NBEA: variants seen among roughly 807,000 people sequenced by gnomAD.
NBEA encodes neurobeachin, also known as lysosomal-trafficking regulator 2.
Under a neutral mutation model 343.4 loss-of-function variants are expected in NBEA, and 44 were observed. That is an observed-to-expected ratio of 0.13 (90% confidence interval 0.10 to 0.16). The LOEUF (loss-of-function observed/expected upper bound fraction) is 0.16. Among genes scored for constraint, NBEA ranks in the 10% least tolerant of loss-of-function variants. The pLI is 1.00. For synonymous variants in NBEA, 1,175 were observed against 1,238.7 expected, an observed-to-expected ratio of 0.95 and a Z score of 1.08; for missense variants, 2,555 against 3,631.3, an observed-to-expected ratio of 0.70 and a Z score of 7.62.
At chr13:35,497,502 C>G (rs2076726050) in intron 41 of NBEA, among the ~76,000 whole-genome samples, 1 of 152,002 alleles carries the variant, frequency 6.6e-6, no homozygotes, top group Non-Finnish European at 1.5e-5. Context: ...AGTAAACTAC[C>G]TGATATCTAT....
chr13:35,444,046 C>A (rs896364559), intron 39 of NBEA, among the ~76,000 whole-genome samples: 3 of 151,904 alleles, frequency 2.0e-5, no homozygotes, highest in African/African-American at 7.2e-5. Context: ...ATGATTGTTA[C>A]AGTAGACTGT....
chr13:35,632,219 T>C (rs1163245865), intron 49 of NBEA, among the ~76,000 whole-genome samples: 2 of 152,210 alleles, frequency 1.3e-5, no homozygotes, highest in Non-Finnish European at 2.9e-5. Flanking sequence ...ACTTACTAAA[T>C]GATGACCAAG....
chr13:35,401,781 A>T (rs2043013026), intron 38 of NBEA, among the ~76,000 whole-genome samples: 1 of 151,676 alleles, frequency 6.6e-6, no homozygotes, highest in Non-Finnish European at 1.5e-5. Context: ...TATATTTAGA[A>T]TTAGAAAAAA....
intron 1 of NBEA, among the ~76,000 whole-genome samples, chr13:35,032,115 A>T (rs1013012228): frequency 2.0e-5 from 3 of 151,622 alleles, no homozygotes; most frequent in African/African-American, 7.2e-5. Context: ...GAACATTTAC[A>T]TGCATGTGTT....
At chr13:35,525,280 G>A (rs1016625767) in intron 41 of NBEA, among the ~76,000 whole-genome samples, 7 of 152,106 alleles carry the variant, frequency 4.6e-5, no homozygotes, top group Non-Finnish European at 8.8e-5. Context: ...GGCCAGGTGC[G>A]GTGGCTCACG....
chr13:34,966,598 A>G (rs902888601), intron 1 of NBEA, among the ~76,000 whole-genome samples: 2 of 144,288 alleles, frequency 1.4e-5, no homozygotes, highest in African/African-American at 5.1e-5. Context: ...ACCTTCAACT[A>G]TGTTACATAT....
At chr13:35,310,839 G>A (rs1458640854) in intron 36 of NBEA, among the ~76,000 whole-genome samples, 1 of 152,032 alleles carries the variant, frequency 6.6e-6, no homozygotes, top group African/African-American at 2.4e-5. Context: ...TTTCAAGTAG[G>A]GGAGTCATGA....
At chr13:35,216,254 G>A (rs1039542107) in intron 33 of NBEA, among the ~76,000 whole-genome samples, 1 of 151,474 alleles carries the variant, frequency 6.6e-6, no homozygotes, top group Non-Finnish European at 1.5e-5. Flanking sequence ...TCTTAGAGTG[G>A]AAACTGAGAT....
rs368659677 is a variant in NBEA, at chr13:35,649,674, C to T, written c.7790C>T (p.Pro2597Leu). The change falls in exon 52 of 59, where the codon CCG becomes CTG. Residue 2597 changes from proline (P) to leucine (L), a missense_variant. By Grantham distance (98) the Pro-to-Leu change is moderately conservative (BLOSUM62 -3). This residue lies in a region of NBEA where 61 missense variants were observed against 132.1 expected (regional missense o/e 0.46). Coordinates refer to ENST00000379939, the MANE Select transcript of NBEA (RefSeq NM_001385012.1). ...CAACAGTGTTTCCTTCCACAGAGTC[C>T]GCTCATGTTTAAAGATCAGATGCAA... ...AMHLCFLPQSPLMFKDQMQQD... is the reference protein window; with the variant it reads ...AMHLCFLPQSLLMFKDQMQQD... 2 of 1,613,414 alleles carry T rather than the reference C, an allele frequency of 1.2e-6. No homozygotes were observed. Among genetic ancestry groups the T allele is most frequent in the East Asian group, 2.2e-5 (1 of 44,872 alleles).
intron 41 of NBEA, chr13:35,476,340 T>A: frequency 8.1e-7 from 1 of 1,233,534 alleles, no homozygotes; most frequent in Non-Finnish European, 1.2e-6. Flanking sequence ...CTGCTGCTGC[T>A]GCTGCTGCTG....
Position 35,079,325 on chromosome 13 carries a change from A to G in NBEA, c.1571+8473A>G, listed in dbSNP as rs73483936. Among the ~76,000 whole-genome samples, 305 of 152,316 alleles carry G rather than the reference A, an allele frequency of 2.0e-3. 1 individual carries two copies. The highest frequency in any genetic ancestry group is 7.0e-3 in the African/African-American group (292 of 41,580). ...TTCTTTTGGATTTACTGGAGAAAGT[A>G]AAAATTAAAAATGTAATGGTTACAA... is the stretch of plus-strand genomic sequence containing the variant. On this transcript the variant is annotated intron_variant, in intron 10 of 58. Coordinates refer to ENST00000379939, the MANE Select transcript of NBEA (RefSeq NM_001385012.1).
intron 6 of NBEA, among the ~76,000 whole-genome samples, chr13:35,050,659 C>A (rs187285378): frequency 6.6e-6 from 1 of 152,020 alleles, no homozygotes; most frequent in Admixed American, 6.6e-5. Flanking sequence ...TCAATAGATA[C>A]TTATTATCTA....
Position 35,671,196 on chromosome 13 carries a change from C to G in NBEA, c.*205C>G. ...TGAACACCAGCTGCTATCAAGCAAGCTTATATCATGTAAATTATATGAATT... is the reference window on the plus strand; with the variant it reads ...TGAACACCAGCTGCTATCAAGCAAGGTTATATCATGTAAATTATATGAATT... On this transcript the variant is annotated 3_prime_UTR_variant, in exon 59 of 59. Transcript: ENST00000379939. 2.0e-6 allele frequency: 1 copy of G among 493,350 alleles called. No homozygotes were observed. Among genetic ancestry groups the G allele is most frequent in the Admixed American group, 3.3e-5 (1 of 30,212 alleles). The allele number at this position is 493,350 out of a possible 1,614,324, so 30.6% of individuals were successfully genotyped here.
chr13:35,422,128 T>G (rs1594576299), intron 38 of NBEA, among the ~76,000 whole-genome samples: 1 of 150,162 alleles, frequency 6.7e-6, no homozygotes, highest in African/African-American at 2.4e-5. Flanking sequence ...TTCTTTCACA[T>G]GCAGAGCATC....
Position 35,583,894 on chromosome 13 carries a change from A to T in NBEA, c.7036-4A>T, listed in dbSNP as rs1162491354. Reference sequence around the variant, plus strand: ...TAAACAAAATATTTTTTTTCTTTTAATAGCCAATTGGTGCTTTGAACCCCA... The same window carrying T: ...TAAACAAAATATTTTTTTTCTTTTATTAGCCAATTGGTGCTTTGAACCCCA... On this transcript the variant is annotated splice_polypyrimidine_tract_variant and splice_region_variant and intron_variant, in intron 45 of 58. Coordinates refer to ENST00000379939, the MANE Select transcript of NBEA (RefSeq NM_001385012.1). 2.5e-6 allele frequency: 4 copies of T among 1,600,446 alleles called. No individual in the cohort carries two copies. Among genetic ancestry groups the T allele is most frequent in the Admixed American group, 3.6e-5 (2 of 55,854 alleles).
intron 34 of NBEA, among the ~76,000 whole-genome samples, chr13:35,259,438 T>C (rs2033002828): frequency 6.6e-6 from 1 of 152,168 alleles, no homozygotes; most frequent in South Asian, 2.1e-4. Context: ...GAGTTGTTAT[T>C]AGTTATCTTG....
intron 33 of NBEA, among the ~76,000 whole-genome samples, chr13:35,215,696 G>A (rs113120845): frequency 1.3e-5 from 2 of 151,354 alleles, no homozygotes; most frequent in Non-Finnish European, 3.0e-5. Flanking sequence ...TCACATAATC[G>A]ATCTAACACT....
intron 41 of NBEA, among the ~76,000 whole-genome samples, chr13:35,492,441 G>A (rs9544444): frequency 0.27 from 40,343 of 151,696 alleles, 5,879 homozygotes; most frequent in East Asian, 0.48. Context: ...ACATATTTAG[G>A]GCATAGAGAA....
At chr13:35,098,176 C>A in intron 10 of NBEA, 121 bp from the exon 11 acceptor site, 1 of 625,080 alleles carries the variant, frequency 1.6e-6, no homozygotes, top group South Asian at 2.3e-5. Context: ...TAGTCATTGT[C>A]AGTAAAATAG....
Sources: gnomAD v4.1 joint callset for allele counts (sites outside exome capture counted in the v4.1 genomes callset) on GRCh38, gnomAD v4.1.1 for gene constraint, gnomAD v4.1.1 regional missense constraint, MANE v1.5 for transcripts, NCBI Gene and HGNC (gene_info 2026-07-23, HGNC 2026-07-21) for gene names.